Variants in IFT74 observed in about 807,000 individuals in gnomAD.
The protein encoded by IFT74 is intraflagellar transport protein 74 homolog.
Under a neutral mutation model 96.7 loss-of-function variants are expected in IFT74, and 92 were observed. That is an observed-to-expected ratio of 0.95 (90% confidence interval 0.80 to 1.13). IFT74 has a LOEUF of 1.13. Ranked by LOEUF, IFT74 falls within the 50% of genes most tolerant of loss-of-function variation. IFT74 has a pLI of 0.00. For synonymous variants in IFT74, 223 were observed against 213.2 expected (o/e 1.05, Z -0.40); for missense variants, 811 against 698.2 (o/e 1.16, Z -1.82).
intron 12 of IFT74, among the ~76,000 whole-genome samples, chr9:27,021,943 C>T (rs551896240): frequency 6.6e-6 from 1 of 152,190 alleles, no homozygotes. Context: ...ATGTTATCTT[C>T]TAGAATTTGT....
At chr9:26,995,904 A>G in intron 8 of IFT74, 2 of 1,240,424 alleles carry the variant, frequency 1.6e-6, no homozygotes, top group Non-Finnish European at 2.2e-6. Flanking sequence ...AGTTGGCAAA[A>G]TAATCATAAT....
intron 13 of IFT74, among the ~76,000 whole-genome samples, chr9:27,044,263 C>T (rs1173140630): frequency 6.6e-6 from 1 of 152,222 alleles, no homozygotes; most frequent in African/African-American, 2.4e-5. Context: ...GAAACTTTCT[C>T]TGTAACCCTA....
At chr9:26,973,990 C>T (rs929730157) in intron 2 of IFT74, among the ~76,000 whole-genome samples, 1 of 152,176 alleles carries the variant, frequency 6.6e-6, no homozygotes, top group African/African-American at 2.4e-5. Flanking sequence ...TGGCCTGTTC[C>T]ACATTTGTAA....
Position 27,062,633 on chromosome 9 carries a change from G to T in IFT74, c.1700G>T (p.Ser567Ile), listed in dbSNP as rs1482975341. ...FAMKEFIATK[S>I]QESDYQPIKK... ...ATGTAATTAGTCATAGCAACCAAGA[G>T]TCAAGAGAGTGATTACCAGCCAATT... Residue 567 changes from serine (S) to isoleucine (I), a missense_variant, in exon 20 of 20, where the codon AGT becomes ATT. Coordinates refer to ENST00000380062, the MANE Select transcript of IFT74 (RefSeq NM_025103.4). The T allele has an allele frequency of 6.3e-6, 10 of 1,599,772 alleles. No individual in the cohort carries two copies. The Admixed American group carries it at 8.5e-5, about 14-fold the overall frequency.
At chr9:27,021,254 T>C (rs866874065) in intron 12 of IFT74, among the ~76,000 whole-genome samples, 2 of 152,230 alleles carry the variant, frequency 1.3e-5, no homozygotes, top group Non-Finnish European at 2.9e-5. Flanking sequence ...TTTGGCTGTT[T>C]CCATATTTTT....
At position 27,062,654 on chromosome 9, in the gene IFT74, C is replaced by T. The variant is rs1453612386; in HGVS notation, c.1721C>T (p.Pro574Leu). Residue 574 changes from proline (P) to leucine (L), a missense_variant, in exon 20 of 20, where the codon CCA becomes CTA. Coordinates refer to ENST00000380062, the MANE Select transcript of IFT74 (RefSeq NM_025103.4). ...ATKSQESDYQ[P>L]IKKNVTKQIA... Reference sequence around the variant, plus strand: ...AAGAGTCAAGAGAGTGATTACCAGCCAATTAAGAAAAATGTGACCAAGCAG... The same window carrying T: ...AAGAGTCAAGAGAGTGATTACCAGCTAATTAAGAAAAATGTGACCAAGCAG... 6.2e-7 allele frequency: 1 copy of T among 1,608,576 alleles called. No individual in the cohort carries two copies. The highest frequency in any genetic ancestry group is 2.2e-5 in the East Asian group (1 of 44,594).
intron 8 of IFT74, among the ~76,000 whole-genome samples, chr9:26,990,413 TA>T (rs775718122): frequency 2.6e-5 from 4 of 152,238 alleles, no homozygotes; most frequent in Non-Finnish European, 5.9e-5. Context: ...ACATAGCTTA[TA>T]TAAATAGGAT....
chr9:27,051,411 G>A (rs1013625529), intron 16 of IFT74, among the ~76,000 whole-genome samples: 51 of 152,006 alleles, frequency 3.4e-4, no homozygotes, highest in African/African-American at 1.0e-3. Flanking sequence ...TTGACTGTGA[G>A]TATATTTTTA....
chr9:27,048,739 A>G (rs1272377467), intron 16 of IFT74, among the ~76,000 whole-genome samples: 1 of 152,214 alleles, frequency 6.6e-6, no homozygotes, highest in Admixed American at 6.5e-5. Context: ...TTAGCTGGCA[A>G]TTATCAAGTT....
intron 2 of IFT74, among the ~76,000 whole-genome samples, chr9:26,975,231 G>C (rs908414391): frequency 2.0e-5 from 3 of 152,112 alleles, no homozygotes; most frequent in African/African-American, 7.2e-5. Context: ...TTTAGGAACA[G>C]GGACTCTTTC....
chr9:27,002,934 A>AT (rs202090668), intron 8 of IFT74, among the ~76,000 whole-genome samples: 93 of 150,494 alleles, frequency 6.2e-4, no homozygotes, highest in East Asian at 3.9e-3. Context: ...TTATATTTCC[A>AT]TTTTTTTTTG....
intron 13 of IFT74, among the ~76,000 whole-genome samples, chr9:27,043,750 C>T (rs975019871): frequency 4.6e-5 from 7 of 152,182 alleles, no homozygotes; most frequent in Non-Finnish European, 1.5e-5. Context: ...TACTTGATTC[C>T]TCCCTGTTTA....
At chr9:26,989,906 C>A (rs1759556641) in intron 7 of IFT74, among the ~76,000 whole-genome samples, 2 of 152,074 alleles carry the variant, frequency 1.3e-5, no homozygotes, top group East Asian at 3.8e-4. Context: ...CACTGAAGAA[C>A]AATGAATATT....
chr9:26,999,294 A>G (rs1828347391), intron 8 of IFT74, among the ~76,000 whole-genome samples: 2 of 152,192 alleles, frequency 1.3e-5, no homozygotes, highest in South Asian at 4.1e-4. Flanking sequence ...TAATAATTCA[A>G]TAGCAGTTTC....
intron 9 of IFT74, among the ~76,000 whole-genome samples, chr9:27,009,784 A>G (rs2131602409): frequency 6.6e-6 from 1 of 152,142 alleles, no homozygotes; most frequent in Middle Eastern, 3.4e-3. Context: ...TTGAATGGCT[A>G]TTGTCCTGTA....
At chr9:26,987,897 A>T (rs373960669) in intron 6 of IFT74, among the ~76,000 whole-genome samples, 91 of 152,244 alleles carry the variant, frequency 6.0e-4, no homozygotes, top group African/African-American at 2.0e-3. Context: ...AATTATTAGA[A>T]GATAAAGAAT....
intron 12 of IFT74, among the ~76,000 whole-genome samples, chr9:27,022,609 T>G (rs1174284115): frequency 6.6e-6 from 1 of 152,062 alleles, no homozygotes; most frequent in Non-Finnish European, 1.5e-5. Flanking sequence ...TTATTTTATT[T>G]TCACAGCTGT....
intron 16 of IFT74, 91 bp downstream of exon 16, chr9:27,048,365 T>TC: frequency 2.2e-6 from 2 of 901,012 alleles, no homozygotes; most frequent in Non-Finnish European, 3.2e-6. Flanking sequence ...TGACAGAGGC[T>TC]ATAATTTATG....
chr9:27,013,754 T>A (rs1244825836), intron 10 of IFT74, among the ~76,000 whole-genome samples: 1 of 152,214 alleles, frequency 6.6e-6, no homozygotes. Flanking sequence ...TCTCAAATCT[T>A]GCCTCCCTTT....
Sources: gnomAD v4.1 joint callset for allele counts (sites outside exome capture counted in the v4.1 genomes callset) on GRCh38, gnomAD v4.1.1 for gene constraint, MANE v1.5 for transcripts, NCBI Gene and HGNC (gene_info 2026-07-23, HGNC 2026-07-21) for gene names.